ANKRD52: variants seen among roughly 807,000 people sequenced by gnomAD.
ANKRD52 encodes serine/threonine-protein phosphatase 6 regulatory ankyrin repeat subunit C.
A neutral mutation model predicts 116.0 loss-of-function variants in ANKRD52; 7 were observed. The ratio of observed to expected loss-of-function variants is 0.06; its 90% CI spans 0.03 to 0.11. The LOEUF is 0.11. Among genes scored for constraint, ANKRD52 ranks in the 10% least tolerant of loss-of-function variants. The probability of loss-of-function intolerance (pLI) is 1.00; values close to 1 mark genes in which losing one functional copy is unlikely to be tolerated. For missense variants in ANKRD52, 839 were observed against 1,408.6 expected (o/e 0.60, Z 6.47); for synonymous variants, 528 against 578.1 (o/e 0.91, Z 1.24).
Position 56,253,638 on chromosome 12 carries a change from G to A in ANKRD52, c.985+84C>T. The A allele has an allele frequency of 6.9e-7, 1 of 1,456,968 alleles. No homozygotes were observed. Among genetic ancestry groups the A allele is most frequent in the Non-Finnish European group, 9.5e-7 (1 of 1,049,500 alleles). The allele number at this position is 1,456,968 out of a possible 1,614,324, so 90.3% of individuals were successfully genotyped here. A position where few individuals can be genotyped will look rare whatever the true frequency, so the allele number is the denominator to read the frequency against. ...ATCCTACTGGAAGAGGGCAGGAGAAGGAAGTTAGGAACCTCCCTAGATTCT... is the reference window on the plus strand; with the variant it reads ...ATCCTACTGGAAGAGGGCAGGAGAAAGAAGTTAGGAACCTCCCTAGATTCT... On this transcript the variant is annotated intron_variant, in intron 9 of 27. Transcript: ENST00000267116. The surrounding 1 kb of genome is among the most constrained non-coding windows in gnomAD (Gnocchi z 5.5).
In ANKRD52 at chr12:56,244,377, C is replaced by T. The variant is rs770726982; in HGVS notation, c.2781G>A (p.Thr927=). ...DLTVLDENKN[T]ALHLACSKGH... ...CCTTGCTACAAGCCAAGTGGAGGGCCGTGTTCTTGTTCTCATCCAACACAG... is the reference window on the plus strand; with the variant it reads ...CCTTGCTACAAGCCAAGTGGAGGGCTGTGTTCTTGTTCTCATCCAACACAG... The change falls in exon 25 of 28, where the codon ACG becomes ACA. Residue 927 remains threonine (T), a synonymous_variant. Transcript: ENST00000267116. The surrounding 1 kb of genome is among the most constrained non-coding windows in gnomAD (Gnocchi z 4.9). 69 of 1,613,840 alleles carry T rather than the reference C, an allele frequency of 4.3e-5. No homozygotes were observed. The highest frequency in any genetic ancestry group is 5.6e-5 in the Non-Finnish European group (66 of 1,179,874).
Position 56,242,968 on chromosome 12 carries a change from G to A in ANKRD52, c.*174C>T. 2.0e-6 allele frequency: 2 copies of A among 984,790 alleles called. No individual in the cohort carries two copies. Among genetic ancestry groups the A allele is most frequent in the Non-Finnish European group, 1.4e-6 (1 of 693,170 alleles). The allele number at this position is 984,790 out of a possible 1,614,324, so 61.0% of individuals were successfully genotyped here. A position where few individuals can be genotyped will look rare whatever the true frequency, so the allele number is the denominator to read the frequency against. Reference sequence around the variant, plus strand: ...TGCTCCCTGTCAGTCCCAGACCCCTGCCAGGCCAAGATGGTGTGGCAAAGG... The same window carrying A: ...TGCTCCCTGTCAGTCCCAGACCCCTACCAGGCCAAGATGGTGTGGCAAAGG... On this transcript the variant is annotated 3_prime_UTR_variant, in exon 28 of 28. Coordinates refer to ENST00000267116, the MANE Select transcript of ANKRD52 (RefSeq NM_173595.4). This position sits in a 1 kb window ranked among gnomAD's most constrained non-coding sequence, Gnocchi z 4.3.
In ANKRD52 at chr12:56,257,326, G is replaced by A. The variant is rs769617347; in HGVS notation, c.147C>T (p.Ala49=). 48 of 1,597,724 alleles carry A rather than the reference G, an allele frequency of 3.0e-5. No homozygotes were observed. The highest frequency in any genetic ancestry group is 1.6e-4 in the Middle Eastern group (1 of 6,068). ...QERRTPLHAA[A]YVGDVPILQL... is the part of the protein sequence containing the mutation. ...GGAGGATGGGGACATCGCCTACGTA[G>A]GCAGCAGCATGCAATGGAGTTCGCC... Residue 49 remains alanine, a synonymous_variant, in exon 3 of 28, where the codon GCC becomes GCT. Coordinates refer to ENST00000267116, the MANE Select transcript of ANKRD52 (RefSeq NM_173595.4).
At position 56,244,483 on chromosome 12, in the gene ANKRD52, T is replaced by A; in HGVS notation, c.2723-48A>T. On this transcript the variant is annotated intron_variant, in intron 24 of 27. Transcript: ENST00000267116. This position sits in a 1 kb window ranked among gnomAD's most constrained non-coding sequence, Gnocchi z 4.9. ...GGACTGACCCCTCCCTCCAGAGCAGTAGCCATCCTGGCTCTCCACTTTGCA... is the reference window on the plus strand; with the variant it reads ...GGACTGACCCCTCCCTCCAGAGCAGAAGCCATCCTGGCTCTCCACTTTGCA... 1 of 1,604,426 alleles carries A rather than the reference T, an allele frequency of 6.2e-7. No homozygotes were observed. Among genetic ancestry groups the A allele is most frequent in the Non-Finnish European group, 8.5e-7 (1 of 1,172,440 alleles).
chr12:56,242,060 G>A lies in ANKRD52; in HGVS notation c.*1082C>T. The A allele has an allele frequency of 2.5e-6, 1 of 398,646 alleles. No homozygotes were observed. The highest frequency in any genetic ancestry group is 4.4e-6 in the Non-Finnish European group (1 of 226,090). 24.7% of individuals were successfully genotyped at this position (398,646 alleles called of 1,614,324 possible). ...TACCATCTTTGGCTTCAGATCAGGA[G>A]TGACTGGGGCAGTGGGTACTCTTGG... On this transcript the variant is annotated 3_prime_UTR_variant, in exon 28 of 28. Coordinates refer to ENST00000267116, the MANE Select transcript of ANKRD52 (RefSeq NM_173595.4). The surrounding 1 kb of genome is among the most constrained non-coding windows in gnomAD (Gnocchi z 4.3).
intron 1 of ANKRD52, 106 bp from the exon 2 acceptor site, chr12:56,258,017 G>A: frequency 7.6e-7 from 1 of 1,315,656 alleles, no homozygotes; most frequent in South Asian, 1.3e-5. Context: ...CGTCCGTGGA[G>A]GGGCTCCACT....
Position 56,248,722 on chromosome 12 carries a change from CT to C in ANKRD52, c.1704+36del. 1.9e-6 allele frequency: 3 copies of C among 1,563,082 alleles called. No homozygotes were observed. Among genetic ancestry groups the C allele is most frequent in the Non-Finnish European group, 2.6e-6 (3 of 1,145,706 alleles). On this transcript the variant is annotated intron_variant, in intron 16 of 27. Coordinates refer to ENST00000267116, the MANE Select transcript of ANKRD52 (RefSeq NM_173595.4). This position sits in a 1 kb window ranked among gnomAD's most constrained non-coding sequence, Gnocchi z 5.1. ...AATCCACAAACCCTGTGCCCTGCCC[CT>C]GCCTCCCCTCCTGCAGGCCGGGCCC...
chr12:56,252,405 T>G lies in ANKRD52; in HGVS notation c.1371-90A>C. 1.3e-6 allele frequency: 2 copies of G among 1,594,186 alleles called. No homozygotes were observed. Among genetic ancestry groups the G allele is most frequent in the Non-Finnish European group, 1.7e-6 (2 of 1,162,812 alleles). On this transcript the variant is annotated intron_variant, in intron 13 of 27. Transcript: ENST00000267116. The surrounding 1 kb of genome is among the most constrained non-coding windows in gnomAD (Gnocchi z 4.7). The stretch of plus-strand genomic sequence containing the variant: ...GCAGCCAAATGCTGCTTTGTAACAT[T>G]CTCCTTATTTAAGTCTCCAATCTAA...
In ANKRD52 at chr12:56,248,382, C is replaced by A; in HGVS notation, c.1776+113G>T. On this transcript the variant is annotated intron_variant, in intron 17 of 27. Transcript: ENST00000267116. The surrounding 1 kb of genome is among the most constrained non-coding windows in gnomAD (Gnocchi z 5.1). The stretch of plus-strand genomic sequence containing the variant: ...TTCCTACCCTGCACTGTGCTTATCC[C>A]CTCTCCCACAAAAAGGCAGAAGGAA... 7.0e-7 allele frequency: 1 copy of A among 1,421,086 alleles called. No individual in the cohort carries two copies. Among genetic ancestry groups the A allele is most frequent in the Non-Finnish European group, 9.7e-7 (1 of 1,028,406 alleles). The allele number at this position is 1,421,086 out of a possible 1,614,324, so 88.0% of individuals were successfully genotyped here. A position where few individuals can be genotyped will look rare whatever the true frequency, so the allele number is the denominator to read the frequency against.
Position 56,242,982 on chromosome 12 carries a change from G to T in ANKRD52, c.*160C>A, listed in dbSNP as rs1373714290. 1.8e-6 allele frequency: 2 copies of T among 1,082,662 alleles called. No homozygotes were observed. The highest frequency in any genetic ancestry group is 2.6e-5 in the East Asian group (1 of 38,292). The allele number at this position is 1,082,662 out of a possible 1,614,324, so 67.1% of individuals were successfully genotyped here. On this transcript the variant is annotated 3_prime_UTR_variant, in exon 28 of 28. Transcript: ENST00000267116. This position sits in a 1 kb window ranked among gnomAD's most constrained non-coding sequence, Gnocchi z 4.3. ...CCCAGACCCCTGCCAGGCCAAGATGGTGTGGCAAAGGGGTGAGCAGCTGCT... is the reference window on the plus strand; with the variant it reads ...CCCAGACCCCTGCCAGGCCAAGATGTTGTGGCAAAGGGGTGAGCAGCTGCT...
In ANKRD52 at chr12:56,242,816, C is replaced by T. The variant is rs953151453; in HGVS notation, c.*326G>A. On this transcript the variant is annotated 3_prime_UTR_variant, in exon 28 of 28. Coordinates refer to ENST00000267116, the MANE Select transcript of ANKRD52 (RefSeq NM_173595.4). The surrounding 1 kb of genome is among the most constrained non-coding windows in gnomAD (Gnocchi z 4.3). ...CAGAGAGGAGTCCCCAGGGAAGAGT[C>T]GGGGGAGCTGGCAGCAGAAAGAGGG... 4 of 319,344 alleles carry T rather than the reference C, an allele frequency of 1.3e-5. No individual in the cohort carries two copies. Among genetic ancestry groups the T allele is most frequent in the Admixed American group, 8.9e-5 (2 of 22,532 alleles). The allele number at this position is 319,344 out of a possible 1,614,324, so 19.8% of individuals were successfully genotyped here.
chr12:56,243,728 G>A lies in ANKRD52; in HGVS notation c.2980+57C>T. 2.0e-6 allele frequency: 3 copies of A among 1,495,902 alleles called. No homozygotes were observed. Among genetic ancestry groups the A allele is most frequent in the South Asian group, 1.2e-5 (1 of 82,610 alleles). The allele number at this position is 1,495,902 out of a possible 1,614,324, so 92.7% of individuals were successfully genotyped here. A position where few individuals can be genotyped will look rare whatever the true frequency, so the allele number is the denominator to read the frequency against. ...TAGCAAGATTAAGAAGTCACCTCCT[G>A]AAGAATGTCCCTGACCCCAAACCCA... On this transcript the variant is annotated intron_variant, in intron 27 of 27. Coordinates refer to ENST00000267116, the MANE Select transcript of ANKRD52 (RefSeq NM_173595.4). The surrounding 1 kb of genome is among the most constrained non-coding windows in gnomAD (Gnocchi z 4.6).
chr12:56,247,346 CAAAAAAAAA>C, intron 20 of ANKRD52, 138 bp downstream of exon 20: 2 of 486,968 alleles, frequency 4.1e-6, no homozygotes, highest in East Asian at 3.5e-5. Flanking sequence ...GACCCTGTCT[CAAAAAAAAA>C]AAAAAAAAAG....
In ANKRD52 at chr12:56,241,286, C is replaced by G. The variant is rs1269409004; in HGVS notation, c.*1856G>C. 1 of 152,190 alleles carries G rather than the reference C, an allele frequency of 6.6e-6. No homozygotes were observed. The highest frequency in any genetic ancestry group is 6.5e-5 in the Admixed American group (1 of 15,278). The allele number at this position is 152,190 out of a possible 1,614,324, so 9.4% of individuals were successfully genotyped here. A position where few individuals can be genotyped will look rare whatever the true frequency, so the allele number is the denominator to read the frequency against. On this transcript the variant is annotated 3_prime_UTR_variant, in exon 28 of 28. Transcript: ENST00000267116. ...ACTGAGGGTTGGGAGAAGCAAAACA[C>G]AGAGAGACAGGGGATCAAAAGGGAC...
rs1460450003 is a variant in ANKRD52, at chr12:56,254,254, T to C, written c.719A>G (p.Asn240Ser). Reference sequence around the variant, plus strand: ...GTAGCAGGCGATGTGCAAAGCTGTGTTTCCAAAAGCATTGGGTTCATCGAT... The same window carrying C: ...GTAGCAGGCGATGTGCAAAGCTGTGCTTCCAAAAGCATTGGGTTCATCGAT... The part of the protein sequence containing the change: ...AEIDEPNAFG[N>S]TALHIACYLG... Residue 240 changes from asparagine (N) to serine (S), a missense_variant, in exon 8 of 28, where the codon AAC becomes AGC. Asn to Ser is a conservative substitution (Grantham distance 46). This residue lies in a region of ANKRD52 where 287 missense variants were observed against 598.1 expected (regional missense o/e 0.48). Coordinates refer to ENST00000267116, the MANE Select transcript of ANKRD52 (RefSeq NM_173595.4). This position sits in a 1 kb window ranked among gnomAD's most constrained non-coding sequence, Gnocchi z 4.6. 1 of 1,613,730 alleles carries C rather than the reference T, an allele frequency of 6.2e-7. No homozygotes were observed. Among genetic ancestry groups the C allele is most frequent in the Non-Finnish European group, 8.5e-7 (1 of 1,179,882 alleles).
At chr12:56,247,318 C>G (rs552481668) in intron 20 of ANKRD52, among the ~76,000 whole-genome samples, 175 bp downstream of exon 20, 3 of 149,740 alleles carry the variant, frequency 2.0e-5, no homozygotes, top group African/African-American at 7.4e-5. Flanking sequence ...TGCACTCCAA[C>G]CTGGGCAATG....
intron 22 of ANKRD52, 26 bp from the exon 23 acceptor site, chr12:56,245,015 T>C (rs373359389): frequency 6.2e-7 from 1 of 1,613,302 alleles, no homozygotes; most frequent in Non-Finnish European, 8.5e-7. Flanking sequence ...GGAGGGGTCA[T>C]CAGGAAGGAC....
intron 1 of ANKRD52, 137 bp from the exon 2 acceptor site, chr12:56,258,048 G>T: frequency 7.7e-7 from 1 of 1,299,800 alleles, no homozygotes; most frequent in South Asian, 1.3e-5. Context: ...TGGCTGGAGC[G>T]AGCTCCCGCG....
intron 20 of ANKRD52, 89 bp from the exon 21 acceptor site, chr12:56,245,685 A>T: frequency 1.1e-6 from 1 of 927,418 alleles, no homozygotes; most frequent in Non-Finnish European, 1.6e-6. Flanking sequence ...AGTAAGAACC[A>T]CTTCCAGGGC....
Sources: allele counts gnomAD v4.1 joint callset (sites outside exome capture counted in the v4.1 genomes callset), GRCh38; gene constraint gnomAD v4.1.1; regional missense constraint gnomAD v4.1.1; non-coding constraint Gnocchi (gnomAD v3.1); transcripts MANE v1.5; gene names NCBI Gene and HGNC (gene_info 2026-07-23, HGNC 2026-07-21).